The following OSBPL6 variants were observed in gnomAD, a reference collection of about 807,000 sequenced individuals.
The protein encoded by OSBPL6 is oxysterol-binding protein-related protein 6.
A neutral mutation model predicts 125.8 loss-of-function variants in OSBPL6; 49 were observed. The ratio of observed to expected loss-of-function variants is 0.39; its 90% confidence interval spans 0.31 to 0.49. The LOEUF is 0.49. Ranked by LOEUF, OSBPL6 falls within the 20% of genes least tolerant of loss-of-function variation. The pLI, the probability that OSBPL6 is intolerant of heterozygous loss-of-function variation, is 0.88. For synonymous variants in OSBPL6, 394 were observed against 391.8 expected, an observed-to-expected ratio of 1.01 and a Z score of -0.07; for missense variants, 986 against 1,135.4, an observed-to-expected ratio of 0.87 and a Z score of 1.89.
Position 178,399,562 on chromosome 2 carries a change from T to A in OSBPL6, c.*4003T>A, listed in dbSNP as rs1227514335. 7.9e-5 allele frequency: 12 copies of A among 152,240 alleles called. No homozygotes were observed. 9.4% of individuals were successfully genotyped at this position (152,240 alleles called of 1,614,324 possible). A position where few individuals can be genotyped will look rare whatever the true frequency, so the allele number is the denominator to read the frequency against. On this transcript the variant is annotated 3_prime_UTR_variant, in exon 25 of 25. Transcript: ENST00000190611. ...TCTAAAGAAGGAGGTCTTTAAAAAT[T>A]GTTGTGATGGACCAACATGTCCAAC...
Position 178,384,436 on chromosome 2 carries a change from A to T in OSBPL6, c.2013+260A>T, listed in dbSNP as rs138700560. ...GGTTGGGTTTATACATTTTAGGGAG[A>T]TATGCACCATCAATCAATATATGTA... is the stretch of plus-strand genomic sequence containing the variant. On this transcript the variant is annotated intron_variant, in intron 18 of 24. Transcript: ENST00000190611. 3.9e-5 allele frequency among the ~76,000 whole-genome samples: 6 copies of T among 152,306 alleles called. No homozygotes were observed. The East Asian group carries it at 1.2e-3, about 29-fold the overall frequency.
intron 1 of OSBPL6, among the ~76,000 whole-genome samples, chr2:178,214,765 G>T (rs1180426959): frequency 3.9e-5 from 6 of 152,008 alleles, no homozygotes; most frequent in Non-Finnish European, 7.4e-5. Flanking sequence ...AGGCAACATA[G>T]TGAGACCCTG....
intron 15 of OSBPL6, 21 bp from the exon 16 acceptor site, chr2:178,382,398 TG>T: frequency 6.3e-7 from 1 of 1,576,512 alleles, no homozygotes; most frequent in Non-Finnish European, 8.6e-7. Flanking sequence ...TTCTGATCCT[TG>T]TATGTTCTTC....
At chr2:178,385,414 A>T (rs1409319960) in intron 18 of OSBPL6, 44 bp from the exon 19 acceptor site, 1 of 1,367,346 alleles carries the variant, frequency 7.3e-7, no homozygotes, top group Non-Finnish European at 1.0e-6. Flanking sequence ...ACCATGTGGA[A>T]GTCTTAACAC....
intron 3 of OSBPL6, among the ~76,000 whole-genome samples, chr2:178,312,680 T>A (rs1277421464): frequency 6.6e-6 from 1 of 151,890 alleles, no homozygotes; most frequent in East Asian, 1.9e-4. Flanking sequence ...AGTCTCAAAC[T>A]CCTGACCTCA....
At chr2:178,273,517 C>T (rs333991) in intron 1 of OSBPL6, among the ~76,000 whole-genome samples, 140,885 of 152,000 alleles carry the variant, frequency 0.93, 65,593 homozygotes, top group East Asian at 0.97. Context: ...GAGGTGGAGG[C>T]TGCAGTGAGC....
chr2:178,353,326 C>A (rs1691461078), intron 12 of OSBPL6, among the ~76,000 whole-genome samples: 1 of 152,134 alleles, frequency 6.6e-6, no homozygotes. Context: ...TCTAACCCAT[C>A]ACAAGGAAGC....
chr2:178,389,971 G>A (rs1009137179), intron 21 of OSBPL6, among the ~76,000 whole-genome samples: 1 of 152,084 alleles, frequency 6.6e-6, no homozygotes, highest in Non-Finnish European at 1.5e-5. Context: ...AGCCCAAAAT[G>A]TTTTCACTAC....
intron 1 of OSBPL6, among the ~76,000 whole-genome samples, chr2:178,232,373 C>CA (rs951871454): frequency 1.3e-5 from 2 of 152,032 alleles, no homozygotes; most frequent in African/African-American, 4.8e-5. Context: ...ATCCCAGAGA[C>CA]ATAGGGCACC....
At chr2:178,345,901 A>G (rs1240557394) in intron 11 of OSBPL6, among the ~76,000 whole-genome samples, 1 of 152,232 alleles carries the variant, frequency 6.6e-6, no homozygotes, top group African/African-American at 2.4e-5. Context: ...ATGGGTTTAT[A>G]TTTTTAAAAT....
chr2:178,225,478 T>C (rs1370856527), intron 1 of OSBPL6, among the ~76,000 whole-genome samples: 1 of 152,188 alleles, frequency 6.6e-6, no homozygotes, highest in East Asian at 1.9e-4. Flanking sequence ...TTTCAGACCC[T>C]TGAGTTTGTT....
At chr2:178,299,680 C>T (rs1015141949) in intron 2 of OSBPL6, among the ~76,000 whole-genome samples, 5 of 152,186 alleles carry the variant, frequency 3.3e-5, no homozygotes, top group African/African-American at 9.6e-5. Context: ...GTAACGATTA[C>T]ATTAAATTGT....
intron 3 of OSBPL6, among the ~76,000 whole-genome samples, chr2:178,313,115 T>C (rs1362721239): frequency 5.3e-5 from 8 of 151,460 alleles, no homozygotes; most frequent in Admixed American, 5.3e-4. Context: ...AGGCTGGTCT[T>C]AAATTCCTGA....
chr2:178,262,300 G>T (rs912492188), intron 1 of OSBPL6, among the ~76,000 whole-genome samples: 2 of 152,140 alleles, frequency 1.3e-5, no homozygotes, highest in African/African-American at 4.8e-5. Flanking sequence ...ATCTTCAATA[G>T]TGAAGTAAAT....
intron 12 of OSBPL6, among the ~76,000 whole-genome samples, chr2:178,352,547 C>A (rs1691367065): frequency 6.6e-6 from 1 of 152,182 alleles, no homozygotes; most frequent in African/African-American, 2.4e-5. Context: ...GGGCATCCAC[C>A]ATTGCTGAGG....
At chr2:178,227,721 T>G (rs906020795) in intron 1 of OSBPL6, among the ~76,000 whole-genome samples, 1 of 152,188 alleles carries the variant, frequency 6.6e-6, no homozygotes, top group Non-Finnish European at 1.5e-5. Flanking sequence ...TTTCTATAAG[T>G]TTAAGAGCAA....
intron 4 of OSBPL6, among the ~76,000 whole-genome samples, chr2:178,324,942 T>C (rs1190820020): frequency 6.6e-6 from 1 of 152,244 alleles, no homozygotes; most frequent in Non-Finnish European, 1.5e-5. Context: ...TTCTGGCTTC[T>C]AGGCTCCTTC....
chr2:178,332,674 G>A lies in OSBPL6; in HGVS notation c.406G>A (p.Val136Met). 3.1e-6 allele frequency: 5 copies of A among 1,614,108 alleles called. No homozygotes were observed. The highest frequency in any genetic ancestry group is 4.2e-6 in the Non-Finnish European group (5 of 1,179,962). ...QKGKVHGSID[V>M]GLSVMSIKKK... Reference sequence around the variant, plus strand: ...AGGAAAGGTCCATGGGAGCATAGATGTGGGACTCTCAGTCATGTCAATTAA... The same window carrying A: ...AGGAAAGGTCCATGGGAGCATAGATATGGGACTCTCAGTCATGTCAATTAA... Residue 136 changes from valine (V) to methionine (M), a missense_variant, in exon 7 of 25, where the codon GTG becomes ATG. Transcript: ENST00000190611.
At chr2:178,316,597 A>C (rs1020259289) in intron 3 of OSBPL6, among the ~76,000 whole-genome samples, 1 of 152,200 alleles carries the variant, frequency 6.6e-6, no homozygotes, top group Non-Finnish European at 1.5e-5. Flanking sequence ...AGTTACATAC[A>C]TAACATGGTT....
Sources: gnomAD v4.1 joint callset for allele counts (sites outside exome capture counted in the v4.1 genomes callset) on GRCh38, gnomAD v4.1.1 for gene constraint, MANE v1.5 for transcripts, NCBI Gene and HGNC (gene_info 2026-07-23, HGNC 2026-07-21) for gene names.